KLC2: variants seen among roughly 807,000 people sequenced by gnomAD.
KLC2 encodes the protein kinesin light chain 2, also known as KLC 2.
Under a neutral mutation model 75.1 loss-of-function variants are expected in KLC2, and 35 were observed. The observed-to-expected ratio is 0.47, with a 90% CI of 0.36 to 0.62. The LOEUF (loss-of-function observed/expected upper bound fraction) is 0.62. Ranked by LOEUF, KLC2 falls within the 20% of genes least tolerant of loss-of-function variation. The pLI, the probability that KLC2 is intolerant of heterozygous loss-of-function variation, is 0.00. For synonymous variants in KLC2, 314 were observed against 336.7 expected (o/e 0.93, Z 0.74); for missense variants, 611 against 833.2 (o/e 0.73, Z 3.28).
chr11:66,266,826 G>T, intron 15 of KLC2, 47 bp from the exon 16 acceptor site: 2 of 1,588,382 alleles, frequency 1.3e-6, no homozygotes. Flanking sequence ...GGGAGGCACA[G>T]ACTGGCAGCA....
At chr11:66,249,235 C>T in the KLC2 span, among the ~76,000 whole-genome samples, 39 of 152,310 alleles carry the variant, frequency 2.6e-4, no homozygotes, top group South Asian at 4.1e-4. Flanking sequence ...CCCTTCTCAG[C>T]GCAGCCTGTG....
the KLC2 span, among the ~76,000 whole-genome samples, chr11:66,246,829 C>T: frequency 0.19 from 28,799 of 152,078 alleles, 2,853 homozygotes; most frequent in East Asian, 0.27. Flanking sequence ...AATAATCACC[C>T]GCTTGAGTCT....
Position 66,265,780 on chromosome 11 carries a change from G to A in KLC2, c.1443+17G>A. On this transcript the variant is annotated intron_variant, in intron 12 of 15. Coordinates refer to ENST00000394067, the MANE Select transcript of KLC2 (RefSeq NM_001318734.2). ...CGCAAGCAGGTGGGGCTCCATGCAG[G>A]AGGGGGTGGGCAGACACCTGTGTGG... 6.2e-7 allele frequency: 1 copy of A among 1,611,540 alleles called. No homozygotes were observed. The highest frequency in any genetic ancestry group is 8.5e-7 in the Non-Finnish European group (1 of 1,178,402).
chr11:66,260,420 G>A (rs1217538214), intron 2 of KLC2, among the ~76,000 whole-genome samples: 2 of 152,186 alleles, frequency 1.3e-5, no homozygotes, highest in Non-Finnish European at 2.9e-5. Context: ...CTGGAGCAAA[G>A]TGGGAGGTGT....
the KLC2 span, chr11:66,244,303 C>T: frequency 6.6e-6 from 1 of 152,498 alleles, no homozygotes; most frequent in Non-Finnish European, 1.5e-5. Context: ...GTTCTTCCCC[C>T]TCCTTAGGCC....
At chr11:66,258,160 C>T in intron 1 of KLC2, 1 of 173,206 alleles carries the variant, frequency 5.8e-6, no homozygotes, top group Non-Finnish European at 1.2e-5. Flanking sequence ...GCAGGGTCGG[C>T]TCGTCGGGAG....
At chr11:66,245,587 G>A in the KLC2 span, among the ~76,000 whole-genome samples, 19 of 152,172 alleles carry the variant, frequency 1.2e-4, no homozygotes, top group Admixed American at 6.5e-4. Flanking sequence ...GTGGTGGCAC[G>A]TGCCTGTAAT....
In KLC2 at chr11:66,266,388, G is replaced by A. The variant is rs149473986; in HGVS notation, c.1728-45G>A. 747 of 1,313,910 alleles carry A rather than the reference G, an allele frequency of 5.7e-4. 4 individuals carry two copies. In the African/African-American group the frequency reaches 9.4e-3, roughly 17 times the overall value. The allele number at this position is 1,313,910 out of a possible 1,614,324, so 81.4% of individuals were successfully genotyped here. ...ACCCTTCTCCCTGCCCCCATCTCCC[G>A]TGAGTTCCTCCTTGGGCAAATCCCA... On this transcript the variant is annotated intron_variant, in intron 14 of 15. Transcript: ENST00000394067.
At position 66,258,831 on chromosome 11, in the gene KLC2, G is replaced by C; in HGVS notation, c.228+9G>C. The C allele has an allele frequency of 1.3e-6, 2 of 1,595,496 alleles. No homozygotes were observed. The highest frequency in any genetic ancestry group is 1.7e-6 in the Non-Finnish European group (2 of 1,165,966). On this transcript the variant is annotated intron_variant, in intron 2 of 15. Coordinates refer to ENST00000394067, the MANE Select transcript of KLC2 (RefSeq NM_001318734.2). ...GGCTGGGGGAGGCCCAGGTAGGTCA[G>C]TCTGGGGCACTGAGGTGGGAGGTCA...
chr11:66,257,651 G>T (rs528354349), upstream of KLC2: 1 of 152,252 alleles, frequency 6.6e-6, no homozygotes, highest in Admixed American at 6.5e-5. Flanking sequence ...CCCTCCCGCT[G>T]GAGCCGGCCC....
intron 2 of KLC2, 90 bp downstream of exon 2, chr11:66,258,912 A>G: frequency 4.5e-6 from 4 of 885,254 alleles, no homozygotes; most frequent in Non-Finnish European, 6.9e-6. Flanking sequence ...GAATCTGAGC[A>G]GGGAACCGTC....
In KLC2 at chr11:66,266,175, A is replaced by G; in HGVS notation, c.1685A>G (p.Lys562Arg). The G allele has an allele frequency of 6.2e-7, 1 of 1,612,386 alleles. No homozygotes were observed. Among genetic ancestry groups the G allele is most frequent in the Non-Finnish European group, 8.5e-7 (1 of 1,179,480 alleles). ...AGGCGCAGCAGTGAGATGCTGGTAAAGAAGCTGCAGGGGGGCACCCCCCAG... is the reference window on the plus strand; with the variant it reads ...AGGCGCAGCAGTGAGATGCTGGTAAGGAAGCTGCAGGGGGGCACCCCCCAG... ...ALRRSSEMLVKKLQGGTPQEP... is the reference protein window; with the variant it reads ...ALRRSSEMLVRKLQGGTPQEP... Residue 562 changes from lysine (K) to arginine (R), a missense_variant, in exon 14 of 16, where the codon AAG (lysine) becomes AGG (arginine). Coordinates refer to ENST00000394067, the MANE Select transcript of KLC2 (RefSeq NM_001318734.2).
the KLC2 span, among the ~76,000 whole-genome samples, chr11:66,247,139 C>G: frequency 6.6e-6 from 1 of 152,148 alleles, no homozygotes; most frequent in Admixed American, 6.5e-5. Context: ...TCTCTTGTAC[C>G]CACCATCTAA....
rs979492657 is a variant in KLC2 at position 66,267,020 on chromosome 11, G to A, written c.*64G>A. On this transcript the variant is annotated 3_prime_UTR_variant, in exon 16 of 16. Transcript: ENST00000394067. The stretch of plus-strand genomic sequence containing the variant: ...CACACCCCCCTCACCCCAGCCCTGC[G>A]CATGGGCCTGCTGCTTGTCCCGCCT... 1.0e-5 allele frequency: 16 copies of A among 1,585,448 alleles called. No homozygotes were observed. The highest frequency in any genetic ancestry group is 1.3e-5 in the Non-Finnish European group (15 of 1,169,762).
chr11:66,262,828 G>C lies in KLC2; in HGVS notation c.544G>C (p.Gly182Arg). The change falls in exon 5 of 16, where the codon GGA becomes CGA. Residue 182 changes from glycine to arginine, a missense_variant. Gly to Arg is a moderately radical substitution (Grantham distance 125, BLOSUM62 -2). Transcript: ENST00000394067. ...TGGCCCTGCAGCCCCTAGCCCAGGAGGAGGGGATGTGTCTGGTCAGCATGG... is the reference window on the plus strand; with the variant it reads ...TGGCCCTGCAGCCCCTAGCCCAGGACGAGGGGATGTGTCTGGTCAGCATGG... ...DEQSPAPSPG[G>R]GDVSGQHGGY... The C allele has an allele frequency of 6.2e-7, 1 of 1,611,818 alleles. No individual in the cohort carries two copies. Among genetic ancestry groups the C allele is most frequent in the Non-Finnish European group, 8.5e-7 (1 of 1,179,306 alleles).
the KLC2 span, among the ~76,000 whole-genome samples, chr11:66,245,452 T>C: frequency 6.6e-6 from 1 of 152,078 alleles, no homozygotes. Context: ...GTGCGGTGGC[T>C]CACACCTGTA....
chr11:66,257,562 C>G (rs906601118), upstream of KLC2: 1 of 152,174 alleles, frequency 6.6e-6, no homozygotes, highest in African/African-American at 2.4e-5. Context: ...GAGGGCACCC[C>G]TCGGGGCTGG....
chr11:66,267,408 C>T lies in KLC2; in HGVS notation c.*452C>T. 1.4e-6 allele frequency: 1 copy of T among 718,098 alleles called. No homozygotes were observed. Among genetic ancestry groups the T allele is most frequent in the Non-Finnish European group, 2.6e-6 (1 of 385,648 alleles). The allele number at this position is 718,098 out of a possible 1,614,324, so 44.5% of individuals were successfully genotyped here. A position where few individuals can be genotyped will look rare whatever the true frequency, so the allele number is the denominator to read the frequency against. On this transcript the variant is annotated 3_prime_UTR_variant, in exon 16 of 16. Transcript: ENST00000394067. The stretch of plus-strand genomic sequence containing the variant: ...CGGTACTACCCGGGCCTCCCCTCGT[C>T]CCTCTTCTAGTGGTACCGCCCAGGC...
the KLC2 span, among the ~76,000 whole-genome samples, chr11:66,246,830 G>A: frequency 1.3e-5 from 2 of 152,062 alleles, no homozygotes; most frequent in South Asian, 4.1e-4. Context: ...ATAATCACCC[G>A]CTTGAGTCTT....
Sources: gnomAD v4.1 joint callset for allele counts (sites outside exome capture counted in the v4.1 genomes callset) on GRCh38, gnomAD v4.1.1 for gene constraint, MANE v1.5 for transcripts, NCBI Gene and HGNC (gene_info 2026-07-23, HGNC 2026-07-21) for gene names.